Variants in EFCAB12 observed in about 807,000 individuals in gnomAD.
EFCAB12 encodes EF-hand calcium binding domain 12.
A neutral mutation model predicts 53.6 loss-of-function variants in EFCAB12; 43 were observed. The observed-to-expected ratio is 0.80, with a 90% CI of 0.63 to 1.03. The LOEUF is 1.03. Ranked by LOEUF, EFCAB12 falls within the 50% of genes least tolerant of loss-of-function variation. The pLI, the probability that EFCAB12 is intolerant of heterozygous loss-of-function variation, is 0.00. For missense variants in EFCAB12, 646 were observed against 730.6 expected, an observed-to-expected ratio of 0.88 and a Z score of 1.34; for synonymous variants, 269 against 289.2, an observed-to-expected ratio of 0.93 and a Z score of 0.71.
chr3:129,428,297 A>G (rs991403092), intron 1 of EFCAB12, 143 bp downstream of exon 1: 6 of 1,162,862 alleles, frequency 5.2e-6, no homozygotes, highest in East Asian at 2.6e-5. Flanking sequence ...AGAAATGTAC[A>G]TGACCTGCCC....
At position 129,402,582 on chromosome 3, in the gene EFCAB12, A is replaced by G; in HGVS notation, c.1404-3T>C. 1 of 1,611,860 alleles carries G rather than the reference A, an allele frequency of 6.2e-7. No homozygotes were observed. ...TCTTGCTTTTCTTTGGCGTTTTCCTAGTGGAGAAGAGAGAGGCATTTTGTG... is the reference window on the plus strand; with the variant it reads ...TCTTGCTTTTCTTTGGCGTTTTCCTGGTGGAGAAGAGAGAGGCATTTTGTG... On this transcript the variant is annotated splice_polypyrimidine_tract_variant and splice_region_variant and intron_variant, in intron 7 of 8. Transcript: ENST00000505956.
chr3:129,419,990 G>A (rs931725595), intron 2 of EFCAB12, among the ~76,000 whole-genome samples: 1 of 152,198 alleles, frequency 6.6e-6, no homozygotes, highest in Non-Finnish European at 1.5e-5. Flanking sequence ...AAGGAATCAG[G>A]CTCAGAGATG....
intron 7 of EFCAB12, 181 bp downstream of exon 7, chr3:129,404,069 G>A (rs766217897): frequency 3.4e-5 from 24 of 704,564 alleles, no homozygotes; most frequent in Middle Eastern, 3.9e-4. Context: ...TGAGACATGC[G>A]CCAAGGGTGA....
Position 129,401,366 on chromosome 3 carries a change from G to A in EFCAB12, c.*227C>T, listed in dbSNP as rs1176923159. ...CCTGCTTTATGTAGAAAGGGCAGAG[G>A]TCAGGGGAGGGAAATAGTCAAAAAC... On this transcript the variant is annotated 3_prime_UTR_variant, in exon 9 of 9. Transcript: ENST00000505956. The A allele has an allele frequency of 1.9e-6, 1 of 515,358 alleles. No individual in the cohort carries two copies. The highest frequency in any genetic ancestry group is 1.9e-5 in the African/African-American group (1 of 52,296). 31.9% of individuals were successfully genotyped at this position (515,358 alleles called of 1,614,324 possible). A position where few individuals can be genotyped will look rare whatever the true frequency, so the allele number is the denominator to read the frequency against.
intron 2 of EFCAB12, among the ~76,000 whole-genome samples, chr3:129,420,767 G>A (rs2107741636): frequency 6.6e-6 from 1 of 152,306 alleles, no homozygotes; most frequent in Non-Finnish European, 1.5e-5. Context: ...CTTGAGCATG[G>A]GTAGTACTCA....
chr3:129,410,272 A>C (rs573903793), intron 5 of EFCAB12, among the ~76,000 whole-genome samples: 1 of 150,890 alleles, frequency 6.6e-6, no homozygotes, highest in Non-Finnish European at 1.5e-5. Flanking sequence ...GGCCTCCCAA[A>C]TTGCTAGGAT....
At position 129,427,763 on chromosome 3, in the gene EFCAB12, C is replaced by T. The variant is rs561359287; in HGVS notation, c.49+677G>A. 2.8e-4 allele frequency among the ~76,000 whole-genome samples: 42 copies of T among 152,342 alleles called. 1 individual carries two copies. Among genetic ancestry groups the T allele is most frequent in the Non-Finnish European group, 4.1e-4 (28 of 68,032 alleles). On this transcript the variant is annotated intron_variant, in intron 1 of 8. Transcript: ENST00000505956. ...CTTTTCTGACTGCTCCCAATCCAGT[C>T]CTGCCACTCCCAGTGGCCTCTCCAT...
chr3:129,427,969 C>G (rs2107744868), intron 1 of EFCAB12, among the ~76,000 whole-genome samples: 1 of 152,282 alleles, frequency 6.6e-6, no homozygotes, highest in South Asian at 2.1e-4. Context: ...TTTCCAAAAG[C>G]TTGGAACTGT....
chr3:129,419,387 A>C (rs954224586), intron 2 of EFCAB12, among the ~76,000 whole-genome samples: 1 of 152,244 alleles, frequency 6.6e-6, no homozygotes, highest in Non-Finnish European at 1.5e-5. Flanking sequence ...GCTGGGTCAG[A>C]AGCAACTTAA....
chr3:129,428,611 A>T lies in EFCAB12; in HGVS notation c.-123T>A. 8.1e-7 allele frequency: 1 copy of T among 1,235,188 alleles called. No homozygotes were observed. The highest frequency in any genetic ancestry group is 1.1e-6 in the Non-Finnish European group (1 of 890,186). 76.5% of individuals were successfully genotyped at this position (1,235,188 alleles called of 1,614,324 possible). The stretch of plus-strand genomic sequence containing the variant: ...ACTCCAAGTCGTGCGAAAGGCGCTC[A>T]GCTCAGACTGCAGAAGCAACCTGTT... On this transcript the variant is annotated 5_prime_UTR_variant, in exon 1 of 9. Transcript: ENST00000505956.
Position 129,418,239 on chromosome 3 carries a change from GC to G in EFCAB12, c.681+14del, listed in dbSNP as rs2072143073. ...GCCCACTTAGGCCCATCCAGAGAAA[GC>G]AGGTGGCACTTACTGCCTTTACAGC... On this transcript the variant is annotated intron_variant, in intron 3 of 8. Transcript: ENST00000505956. 5 of 1,595,906 alleles carry G rather than the reference GC, an allele frequency of 3.1e-6. No homozygotes were observed. The highest frequency in any genetic ancestry group is 2.6e-6 in the Non-Finnish European group (3 of 1,169,578).
At chr3:129,408,988 C>T (rs1282754007) in intron 5 of EFCAB12, 130 bp from the exon 6 acceptor site, 21 of 960,814 alleles carry the variant, frequency 2.2e-5, no homozygotes, top group East Asian at 1.1e-4. Context: ...TGGCAACCAA[C>T]GTCCAGTGGG....
intron 5 of EFCAB12, among the ~76,000 whole-genome samples, chr3:129,410,844 C>CCCTG (rs750162183): frequency 2.6e-5 from 4 of 152,130 alleles, no homozygotes; most frequent in Non-Finnish European, 5.9e-5. Context: ...CAGTGTCAGG[C>CCCTG]CCTGTGCCAG....
Position 129,421,634 on chromosome 3 carries a change from A to G in EFCAB12, c.219T>C (p.Pro73=), listed in dbSNP as rs1402026468. ...TTGGGGGAGCCTGAGGTTGGGATGC[A>G]GGATTAAGGGGTGTCTGATCCTCCT... is the stretch of plus-strand genomic sequence containing the variant. ...PRKEDQTPLN[P]ASQPQAPPKP... The change falls in exon 2 of 9, where the codon CCT becomes CCC. Residue 73 remains proline, a synonymous_variant. Coordinates refer to ENST00000505956, the MANE Select transcript of EFCAB12 (RefSeq NM_207307.3). 15 of 1,613,988 alleles carry G rather than the reference A, an allele frequency of 9.3e-6. No individual in the cohort carries two copies. The highest frequency in any genetic ancestry group is 1.3e-5 in the Non-Finnish European group (15 of 1,179,878).
Position 129,404,284 on chromosome 3 carries a change from A to C in EFCAB12, c.1369T>G (p.Ser457Ala), listed in dbSNP as rs2071916420. 6.2e-7 allele frequency: 1 copy of C among 1,613,772 alleles called. No homozygotes were observed. The highest frequency in any genetic ancestry group is 8.5e-7 in the Non-Finnish European group (1 of 1,179,836). ...VFSPNLALLR[S>A]QGPGKSKRTD... ...CTCTTAGACTTGCCAGGGCCCTGGG[A>C]CCGGAGCAGAGCCAGATTCGGAGAA... Residue 457 changes from serine (S) to alanine (A), a missense_variant, in exon 7 of 9, where the codon TCC becomes GCC. By Grantham distance (99) the Ser-to-Ala change is moderately conservative (BLOSUM62 1). Transcript: ENST00000505956.
At chr3:129,403,695 A>C (rs1196006877) in intron 7 of EFCAB12, 2 of 152,200 alleles carry the variant, frequency 1.3e-5, no homozygotes, top group Non-Finnish European at 2.9e-5. Flanking sequence ...GCTTGACTCA[A>C]ATCTGGGTAG....
In EFCAB12 at chr3:129,426,607, G is replaced by A. The variant is rs1305222485; in HGVS notation, c.49+1833C>T. On this transcript the variant is annotated intron_variant, in intron 1 of 8. Transcript: ENST00000505956. ...TCTCGATCTCCTGACCTGGTGATCC[G>A]CCCACCTCAGCCTCCCAAAGTGCTA... is the stretch of plus-strand genomic sequence containing the variant. 5.3e-5 allele frequency among the ~76,000 whole-genome samples: 8 copies of A among 150,940 alleles called. No individual in the cohort carries two copies. In the South Asian group the frequency reaches 6.3e-4, roughly 12 times the overall value.
chr3:129,411,098 A>G, intron 5 of EFCAB12, 60 bp downstream of exon 5: 1 of 1,521,594 alleles, frequency 6.6e-7, no homozygotes, highest in South Asian at 1.2e-5. Context: ...TGCTGCGGTG[A>G]TCTGAACCCC....
chr3:129,401,808 GGT>G lies in EFCAB12; in HGVS notation c.1502_1503del (p.His501ProfsTer12). On this transcript the variant is annotated frameshift_variant, in exon 9 of 9. Coordinates refer to ENST00000505956, the MANE Select transcript of EFCAB12 (RefSeq NM_207307.3). LOFTEE classifies it low-confidence loss of function (END_TRUNC). ...AGATGACCCGGCCAGAAGGAATTGG[GGT>G]GTGTTTGCTGCAGACCACTGGACCT... The part of the protein sequence containing the change: ...VKRSSGLQQT[H>X]PNSFWPGHLL... 6.2e-7 allele frequency: 1 copy of G among 1,613,286 alleles called. No homozygotes were observed. Among genetic ancestry groups the G allele is most frequent in the South Asian group, 1.1e-5 (1 of 90,866 alleles).
Sources: allele counts gnomAD v4.1 joint callset (sites outside exome capture counted in the v4.1 genomes callset), GRCh38; gene constraint gnomAD v4.1.1; transcripts MANE v1.5; gene names NCBI Gene and HGNC (gene_info 2026-07-23, HGNC 2026-07-21).